Variants in CA5B observed in about 807,000 individuals in gnomAD.
CA5B encodes carbonic anhydrase 5B, mitochondrial.
Under a neutral mutation model 23.1 loss-of-function variants are expected in CA5B, and 15 were observed. The observed-to-expected ratio is 0.65, with a 90% CI of 0.43 to 1.00. CA5B has a LOEUF of 1.00. Among genes scored for constraint, CA5B ranks in the 50% least tolerant of loss-of-function variants. The pLI is 0.00. For missense variants in CA5B, 236 were observed against 252.2 expected (o/e 0.94, Z 0.43); for synonymous variants, 84 against 98.5 (o/e 0.85, Z 0.87).
chrX:15,756,633 A>G (rs1931491616), intron 2 of CA5B, among the ~76,000 whole-genome samples: 1 of 112,882 alleles, frequency 8.9e-6, no homozygotes, highest in Admixed American at 9.4e-5. Context: ...GCTAAAGGCC[A>G]GGTGTGGGGG....
At chrX:15,749,352 G>A (rs1931308916) in intron 1 of CA5B, among the ~76,000 whole-genome samples, 1 of 111,586 alleles carries the variant, frequency 9.0e-6, no homozygotes, top group Admixed American at 9.5e-5. Context: ...GAGAATTCAG[G>A]ATTAACTTTG....
At chrX:15,741,556 T>C (rs755351828) in intron 1 of CA5B, among the ~76,000 whole-genome samples, 45 of 109,878 alleles carry the variant, frequency 4.1e-4, no homozygotes, top group African/African-American at 1.5e-3. Flanking sequence ...CTCAGCTCAC[T>C]GCAACCTCTG....
chrX:15,774,929 T>G (rs1931893325), intron 5 of CA5B, among the ~76,000 whole-genome samples: 1 of 112,709 alleles, frequency 8.9e-6, no homozygotes, highest in Non-Finnish European at 1.9e-5. Flanking sequence ...AATTGAGCAC[T>G]TGAAATGTGT....
intron 3 of CA5B, chrX:15,765,273 T>C: frequency 2.6e-6 from 1 of 382,195 alleles, no homozygotes; most frequent in Non-Finnish European, 3.3e-6. Flanking sequence ...AAACTTATGA[T>C]CTGGTAATTT....
chrX:15,778,638 A>T (rs1310726990), intron 7 of CA5B, among the ~76,000 whole-genome samples: 3 of 111,937 alleles, frequency 2.7e-5, no homozygotes, highest in Non-Finnish European at 5.6e-5. Flanking sequence ...AGGAGGTTTA[A>T]TTGACTCATA....
intron 2 of CA5B, among the ~76,000 whole-genome samples, chrX:15,756,336 C>T (rs986870395): frequency 8.9e-6 from 1 of 112,405 alleles, no homozygotes; most frequent in East Asian, 2.8e-4. Context: ...AGTACCTCTT[C>T]TGTGCCTTGT....
chrX:15,776,360 AAAAAG>A (rs1475099437), intron 6 of CA5B, among the ~76,000 whole-genome samples: 2 of 108,856 alleles, frequency 1.8e-5, no homozygotes, highest in African/African-American at 6.7e-5. Flanking sequence ...AAAAAAAAGA[AAAAAG>A]AAAAGAAAAT....
Position 15,786,955 on chromosome X carries a change from C to G in CA5B, c.*4291C>G, listed in dbSNP as rs1344254089. 3 of 111,565 alleles carry G rather than the reference C, an allele frequency of 2.7e-5. No homozygotes were observed. The highest frequency in any genetic ancestry group is 5.6e-5 in the Non-Finnish European group (3 of 53,099). The allele number at this position is 111,565 out of a possible 1,213,427, so 9.2% of individuals were successfully genotyped here. On this transcript the variant is annotated 3_prime_UTR_variant, in exon 8 of 8. Transcript: ENST00000318636. ...ATTCCATTGTGACAGAACACACTCA[C>G]ACCCAATACATTACATGAAGCAGAT...
intron 1 of CA5B, among the ~76,000 whole-genome samples, chrX:15,747,041 G>C (rs1365213369): frequency 8.9e-6 from 1 of 111,732 alleles, no homozygotes; most frequent in Non-Finnish European, 1.9e-5. Context: ...AGGCAAGAAG[G>C]GGGTCTTTTT....
At chrX:15,777,117 T>C (rs1371978364) in intron 7 of CA5B, among the ~76,000 whole-genome samples, 2 of 112,300 alleles carry the variant, frequency 1.8e-5, no homozygotes, top group African/African-American at 6.5e-5. Flanking sequence ...TATGTCTTCT[T>C]ATGCCTTGTG....
intron 2 of CA5B, among the ~76,000 whole-genome samples, chrX:15,753,730 G>T (rs1015542935): frequency 3.6e-5 from 4 of 111,974 alleles, no homozygotes; most frequent in African/African-American, 1.3e-4. Context: ...CCAACATGGT[G>T]AAACCCCATC....
chrX:15,775,515 G>T, intron 6 of CA5B: 1 of 956,158 alleles, frequency 1.0e-6, no homozygotes, highest in Non-Finnish European at 1.3e-6. Context: ...CTGCAGTGCC[G>T]CTGAGGACTT....
chrX:15,752,062 C>T (rs1363240429), intron 2 of CA5B, among the ~76,000 whole-genome samples: 1 of 111,764 alleles, frequency 8.9e-6, no homozygotes, highest in Non-Finnish European at 1.9e-5. Context: ...GATACAGCCT[C>T]AAGAGGTCCT....
At chrX:15,752,458 G>A (rs1232460658) in intron 2 of CA5B, among the ~76,000 whole-genome samples, 1 of 112,182 alleles carries the variant, frequency 8.9e-6, no homozygotes, top group African/African-American at 3.2e-5. Context: ...AGGCGCGATG[G>A]CTTACGCCTG....
At chrX:15,766,826 T>C in intron 3 of CA5B, 1 of 278,679 alleles carries the variant, frequency 3.6e-6, no homozygotes, top group South Asian at 3.5e-5. Context: ...TTTGTTTTGT[T>C]ACATGGATAT....
At chrX:15,776,039 C>T (rs909075979) in intron 6 of CA5B, 101 of 750,831 alleles carry the variant, frequency 1.3e-4, no homozygotes, top group Non-Finnish European at 1.5e-4. Flanking sequence ...GTTAGCCTCT[C>T]GAAAATGCAA....
intron 3 of CA5B, among the ~76,000 whole-genome samples, chrX:15,768,023 T>C (rs909984840): frequency 4.0e-4 from 43 of 106,369 alleles, no homozygotes; most frequent in African/African-American, 1.5e-3. Flanking sequence ...CTCAGCCTCC[T>C]GAGTAGCTGG....
In CA5B at chrX:15,745,183, A is replaced by AAAAAAG. The variant is rs1555992328; in HGVS notation, c.-53-4784_-53-4783insAGAAAA. Among the ~76,000 whole-genome samples, 476 of 86,672 alleles carry AAAAAAG rather than the reference A, an allele frequency of 5.5e-3. 12 individuals are homozygous for AAAAAAG. Among genetic ancestry groups the AAAAAAG allele is most frequent in the East Asian group, 0.033 (96 of 2,942 alleles). The allele number at this position is 86,672 out of a possible 115,157, so 75.3% of individuals were successfully genotyped here. A position where few individuals can be genotyped will look rare whatever the true frequency, so the allele number is the denominator to read the frequency against. Reference sequence around the variant, plus strand: ...GACTCTGTCTCAAAAAAAAAAAAAAAAAAAGAAAAGAAAAGAAAAGAAAAG... The same window carrying AAAAAAG: ...GACTCTGTCTCAAAAAAAAAAAAAAAAAAAAGAAAAGAAAAGAAAAGAAAAGAAAAG... On this transcript the variant is annotated intron_variant, in intron 1 of 7. Coordinates refer to ENST00000318636, the MANE Select transcript of CA5B (RefSeq NM_007220.4).
intron 1 of CA5B, among the ~76,000 whole-genome samples, chrX:15,746,012 G>A (rs1931222200): frequency 9.6e-6 from 1 of 104,216 alleles, no homozygotes; most frequent in Non-Finnish European, 2.0e-5. Context: ...GCCACAGAAA[G>A]CGTCAACTTC....
Sources: gnomAD v4.1 joint callset for allele counts (sites outside exome capture counted in the v4.1 genomes callset) on GRCh38, gnomAD v4.1.1 for gene constraint, MANE v1.5 for transcripts, NCBI Gene and HGNC (gene_info 2026-07-23, HGNC 2026-07-21) for gene names.